The following RANBP9 variants were observed in gnomAD, a reference collection of about 807,000 sequenced individuals.
RANBP9 encodes the protein RAN binding protein 9, also known as ran-binding protein 9.
In RANBP9, 15 loss-of-function variants were observed where a neutral mutation model predicts 84.3. That is an observed-to-expected ratio of 0.18 (90% CI 0.12 to 0.27). The LOEUF (loss-of-function observed/expected upper bound fraction) is 0.27, where lower values mean the gene tolerates loss of function less well. RANBP9 is among the 10% of genes least tolerant of loss of function. The probability of loss-of-function intolerance (pLI) is 1.00; values close to 1 mark genes in which losing one functional copy is unlikely to be tolerated. For missense variants in RANBP9, 809 were observed against 912.8 expected (o/e 0.89, Z 1.46); for synonymous variants, 392 against 349.6 (o/e 1.12, Z -1.35).
chr6:13,703,815 T>A (rs968630585), intron 1 of RANBP9, among the ~76,000 whole-genome samples: 3 of 152,252 alleles, frequency 2.0e-5, no homozygotes, highest in Non-Finnish European at 4.4e-5. Context: ...CCAAAAGACC[T>A]GTTCCTGTTC....
chr6:13,700,922 T>C (rs1757952615), intron 1 of RANBP9, among the ~76,000 whole-genome samples: 1 of 152,210 alleles, frequency 6.6e-6, no homozygotes, highest in Non-Finnish European at 1.5e-5. Flanking sequence ...GTCCTGTTAC[T>C]TTTAGCGCAT....
At chr6:13,639,517 T>A (rs1396426225) in intron 9 of RANBP9, 46 bp downstream of exon 9, 1 of 1,535,386 alleles carries the variant, frequency 6.5e-7, no homozygotes, top group Non-Finnish European at 9.0e-7. Flanking sequence ...GGTTTAAGAT[T>A]ATAAAGAGGA....
At chr6:13,633,845 GT>G (rs1764860268) in intron 11 of RANBP9, among the ~76,000 whole-genome samples, 1 of 152,122 alleles carries the variant, frequency 6.6e-6, no homozygotes, top group Non-Finnish European at 1.5e-5. Context: ...TGATGGGATA[GT>G]TTGCTGATGG....
chr6:13,693,373 A>G (rs1304438785), intron 2 of RANBP9, among the ~76,000 whole-genome samples: 1 of 152,204 alleles, frequency 6.6e-6, no homozygotes, highest in Non-Finnish European at 1.5e-5. Flanking sequence ...GAAACCTATT[A>G]TAATGGCTAA....
chr6:13,692,504 G>T (rs573040472), intron 2 of RANBP9, among the ~76,000 whole-genome samples: 3 of 106,286 alleles, frequency 2.8e-5, no homozygotes, highest in African/African-American at 1.1e-4. Context: ...TCCAGCCTGG[G>T]CAACAAGAGC....
chr6:13,689,320 G>T (rs902101941), intron 2 of RANBP9, among the ~76,000 whole-genome samples: 18 of 151,042 alleles, frequency 1.2e-4, no homozygotes, highest in African/African-American at 3.9e-4. Flanking sequence ...CGCTAGGCTG[G>T]AGTGCAGTGG....
intron 12 of RANBP9, among the ~76,000 whole-genome samples, chr6:13,631,236 T>A (rs1252637775): frequency 6.6e-6 from 1 of 152,204 alleles, no homozygotes; most frequent in South Asian, 2.1e-4. Context: ...ATGGAGTAGA[T>A]GAAGTTCAAA....
chr6:13,706,968 C>T (rs560988021), intron 1 of RANBP9, among the ~76,000 whole-genome samples: 5 of 148,346 alleles, frequency 3.4e-5, no homozygotes, highest in South Asian at 2.1e-4. Context: ...ATTGTACCAC[C>T]GCACTCCAGC....
intron 2 of RANBP9, among the ~76,000 whole-genome samples, chr6:13,664,256 C>A (rs1046943212): frequency 2.0e-5 from 3 of 152,192 alleles, no homozygotes; most frequent in South Asian, 4.1e-4. Context: ...ATTCTATCTA[C>A]AACAGCATCA....
intron 1 of RANBP9, among the ~76,000 whole-genome samples, chr6:13,710,359 C>T (rs529028028): frequency 1.3e-5 from 2 of 152,096 alleles, no homozygotes; most frequent in African/African-American, 2.4e-5. Context: ...CTTCTCTTAC[C>T]CTCCCGGTTG....
chr6:13,651,084 AAAAG>A (rs1329073228), intron 5 of RANBP9, among the ~76,000 whole-genome samples: 8 of 152,322 alleles, frequency 5.3e-5, no homozygotes, highest in Middle Eastern at 3.4e-3. Context: ...GCAACACCTA[AAAAG>A]AGACACATAT....
At chr6:13,678,419 G>C (rs1398757198) in intron 2 of RANBP9, among the ~76,000 whole-genome samples, 1 of 152,178 alleles carries the variant, frequency 6.6e-6, no homozygotes, top group Non-Finnish European at 1.5e-5. Context: ...TTGCTGGCCA[G>C]GGCTAGTGCT....
At chr6:13,650,511 T>G (rs930838001) in intron 5 of RANBP9, among the ~76,000 whole-genome samples, 2 of 152,196 alleles carry the variant, frequency 1.3e-5, no homozygotes, top group Admixed American at 6.5e-5. Flanking sequence ...GCAGCTGTCA[T>G]GACACAGCTG....
In RANBP9 at chr6:13,657,192, G is replaced by A. The variant is rs1294475920; in HGVS notation, c.821C>T (p.Thr274Ile). 1 of 1,613,394 alleles carries A rather than the reference G, an allele frequency of 6.2e-7. No homozygotes were observed. The highest frequency in any genetic ancestry group is 1.1e-5 in the South Asian group (1 of 91,012). ...GCCAATGACATCACCAGTAGTGAAA[G>A]TTGGTCCATAAGGTTGTCCAGTTCC... ...SSGTGQPYGP[T>I]FTTGDVIGCC... The change falls in exon 4 of 14, where the codon ACT becomes ATT. Residue 274 changes from threonine (T) to isoleucine (I), a missense_variant. This residue lies in a region of RANBP9 where 216 missense variants were observed against 329.0 expected (regional missense o/e 0.66). Transcript: ENST00000011619.
intron 5 of RANBP9, among the ~76,000 whole-genome samples, chr6:13,650,512 G>A (rs571930973): frequency 1.3e-5 from 2 of 152,226 alleles, no homozygotes; most frequent in Admixed American, 1.3e-4. Flanking sequence ...CAGCTGTCAT[G>A]ACACAGCTGT....
chr6:13,638,651 C>A (rs1049114188), intron 9 of RANBP9, among the ~76,000 whole-genome samples: 1 of 151,686 alleles, frequency 6.6e-6, no homozygotes, highest in African/African-American at 2.4e-5. Context: ...AGAAACATTG[C>A]GAGACTCCAA....
chr6:13,658,882 A>G (rs1562308210), intron 2 of RANBP9, 50 bp from the exon 3 acceptor site: 3 of 1,477,992 alleles, frequency 2.0e-6, no homozygotes, highest in Admixed American at 1.7e-5. Context: ...TTACAGTCAT[A>G]TATGTATAAA....
intron 4 of RANBP9, among the ~76,000 whole-genome samples, chr6:13,656,436 G>T (rs965835541): frequency 2.6e-5 from 4 of 151,586 alleles, no homozygotes; most frequent in Non-Finnish European, 5.9e-5. Context: ...GGAATATAAT[G>T]ACCACATATA....
intron 8 of RANBP9, among the ~76,000 whole-genome samples, chr6:13,640,544 A>T (rs1765040528): frequency 6.6e-6 from 1 of 152,228 alleles, no homozygotes; most frequent in African/African-American, 2.4e-5. Context: ...AACAAAATGC[A>T]GTATTATCCA....
Sources: gnomAD v4.1 joint callset for allele counts (sites outside exome capture counted in the v4.1 genomes callset) on GRCh38, gnomAD v4.1.1 for gene constraint, gnomAD v4.1.1 regional missense constraint, MANE v1.5 for transcripts, NCBI Gene and HGNC (gene_info 2026-07-23, HGNC 2026-07-21) for gene names.